Variants in MAP3K5 observed in about 807,000 individuals in gnomAD.
The protein encoded by MAP3K5 is ASK-1.
A neutral mutation model predicts 158.7 loss-of-function variants in MAP3K5; 56 were observed. That is an observed-to-expected ratio of 0.35 (90% CI 0.28 to 0.44). The LOEUF (loss-of-function observed/expected upper bound fraction) is 0.44. Among genes scored for constraint, MAP3K5 ranks in the 20% least tolerant of loss-of-function variants. MAP3K5 has a pLI of 1.00. For missense variants in MAP3K5, 1,294 were observed against 1,674.8 expected (o/e 0.77, Z 3.97); for synonymous variants, 579 against 601.7 (o/e 0.96, Z 0.55).
In MAP3K5 at chr6:136,609,337, A is replaced by G; in HGVS notation, c.2521+1945T>C. Among the ~76,000 whole-genome samples the G allele has an allele frequency of 6.6e-6, 1 of 152,194 alleles. No individual in the cohort carries two copies. The highest frequency in any genetic ancestry group is 1.9e-4 in the East Asian group (1 of 5,198). On this transcript the variant is annotated intron_variant, in intron 18 of 29. Transcript: ENST00000359015. The surrounding 1 kb of genome is among the most constrained non-coding windows in gnomAD (Gnocchi z 4.4). ...AATGTGTTTAATTCTGTACCCTAAA[A>G]TATCCATTGCCCTGAGGTGGGAGCT...
chr6:136,757,575 A>ATTTTTTTTTTTTT (rs1266911449), intron 1 of MAP3K5, among the ~76,000 whole-genome samples: 6 of 111,272 alleles, frequency 5.4e-5, no homozygotes, highest in African/African-American at 2.0e-4. Context: ...AGATTTATTT[A>ATTTTTTTTTTTTT]TTTATTTTTT....
chr6:136,738,699 T>C (rs1325820410), intron 1 of MAP3K5, among the ~76,000 whole-genome samples: 1 of 152,104 alleles, frequency 6.6e-6, no homozygotes, highest in Non-Finnish European at 1.5e-5. Context: ...ATATTAGCCA[T>C]CAGAAACAGA....
intron 11 of MAP3K5, chr6:136,647,688 T>C (rs553773792): frequency 1.7e-4 from 26 of 152,392 alleles, no homozygotes; most frequent in African/African-American, 6.3e-4. Flanking sequence ...GTCCCATGCT[T>C]GCTTTCACTT....
intron 14 of MAP3K5, among the ~76,000 whole-genome samples, chr6:136,628,834 G>A (rs1195822191): frequency 2.6e-5 from 4 of 151,914 alleles, no homozygotes; most frequent in Admixed American, 6.6e-5. Flanking sequence ...CTATTCTTAC[G>A]AGATAAAGAT....
intron 2 of MAP3K5, among the ~76,000 whole-genome samples, chr6:136,705,451 T>C (rs964191065): frequency 6.6e-6 from 1 of 152,140 alleles, no homozygotes; most frequent in Admixed American, 6.5e-5. Context: ...TACAGGTACA[T>C]GCCACCACAA....
At chr6:136,581,586 C>T (rs1387859607) in intron 24 of MAP3K5, among the ~76,000 whole-genome samples, 1 of 152,226 alleles carries the variant, frequency 6.6e-6, no homozygotes, top group Non-Finnish European at 1.5e-5. Flanking sequence ...GACCCAGCCA[C>T]AAACCCATGT....
chr6:136,581,687 A>G (rs1413773849), intron 24 of MAP3K5, among the ~76,000 whole-genome samples: 1 of 152,216 alleles, frequency 6.6e-6, no homozygotes, highest in Non-Finnish European at 1.5e-5. Flanking sequence ...TGAGGACTTC[A>G]TCGTACTAGT....
At chr6:136,694,036 C>T in intron 7 of MAP3K5, 104 bp downstream of exon 7, 1 of 844,820 alleles carries the variant, frequency 1.2e-6, no homozygotes, top group Non-Finnish European at 1.8e-6. Context: ...TCATAATACA[C>T]AATCTTATGG....
intron 1 of MAP3K5, among the ~76,000 whole-genome samples, chr6:136,722,807 C>T (rs1030323913): frequency 2.6e-5 from 4 of 151,870 alleles, no homozygotes; most frequent in Admixed American, 2.6e-4. Flanking sequence ...CAGCCTCAGC[C>T]TCCTGAGTAG....
At chr6:136,623,267 GTTTTTCA>G (rs1776889740) in intron 14 of MAP3K5, among the ~76,000 whole-genome samples, 1 of 152,188 alleles carries the variant, frequency 6.6e-6, no homozygotes, top group South Asian at 2.1e-4. Flanking sequence ...ACTCAGTCCT[GTTTTTCA>G]TTGATTCTGG....
chr6:136,766,399 C>T (rs192662476), intron 1 of MAP3K5, among the ~76,000 whole-genome samples: 4 of 152,344 alleles, frequency 2.6e-5, no homozygotes, highest in East Asian at 1.9e-4. Flanking sequence ...AAGGCTGTGG[C>T]CCCTGCCAGT....
chr6:136,773,814 A>AT (rs1200686407), intron 1 of MAP3K5, among the ~76,000 whole-genome samples: 1 of 151,852 alleles, frequency 6.6e-6, no homozygotes, highest in Non-Finnish European at 1.5e-5. Flanking sequence ...CACCCAGCTA[A>AT]TTTTTCTATT....
chr6:136,627,008 T>C (rs1777069645), intron 14 of MAP3K5, among the ~76,000 whole-genome samples: 1 of 152,236 alleles, frequency 6.6e-6, no homozygotes, highest in Non-Finnish European at 1.5e-5. Context: ...GGGTGATTAT[T>C]AGTTGTTTCC....
In MAP3K5 at chr6:136,697,275, C is replaced by T. The variant is rs368038602; in HGVS notation, c.919G>A (p.Glu307Lys). The T allele has an allele frequency of 1.1e-4, 183 of 1,613,672 alleles. No homozygotes were observed. The highest frequency in any genetic ancestry group is 1.5e-4 in the Non-Finnish European group (176 of 1,179,818). Residue 307 changes from glutamate (E) to lysine (K), a missense_variant, in exon 5 of 30, where the codon GAA (glutamate) becomes AAA (lysine). Around this residue, in one of 5 missense-constraint regions of MAP3K5, gnomAD observed 690 missense variants for 870.5 expected, o/e 0.79. Transcript: ENST00000359015. Reference sequence around the variant, plus strand: ...ATGACAATATCTGCTGTCAAGACTTCGATATTATCTACTCGCTGCCGAATT... The same window carrying T: ...ATGACAATATCTGCTGTCAAGACTTTGATATTATCTACTCGCTGCCGAATT... ...ARIRQRVDNIEVLTADIVINL... is the reference protein window; with the variant it reads ...ARIRQRVDNIKVLTADIVINL...
At chr6:136,709,026 C>T (rs1781195104) in intron 2 of MAP3K5, among the ~76,000 whole-genome samples, 1 of 152,144 alleles carries the variant, frequency 6.6e-6, no homozygotes, top group African/African-American at 2.4e-5. Context: ...GTGACACCCC[C>T]AACAGAAGTA....
At chr6:136,766,214 T>A (rs1296673406) in intron 1 of MAP3K5, among the ~76,000 whole-genome samples, 1 of 152,210 alleles carries the variant, frequency 6.6e-6, no homozygotes, top group Non-Finnish European at 1.5e-5. Context: ...AGCCTACAAA[T>A]CTGCACCAAC....
At chr6:136,595,043 G>C (rs1049415437) in intron 21 of MAP3K5, among the ~76,000 whole-genome samples, 9 of 152,264 alleles carry the variant, frequency 5.9e-5, no homozygotes, top group Admixed American at 3.3e-4. Flanking sequence ...TGTCACTATG[G>C]CTCGTTAAGG....
intron 21 of MAP3K5, among the ~76,000 whole-genome samples, chr6:136,599,332 G>C (rs1460586704): frequency 6.6e-6 from 1 of 152,008 alleles, no homozygotes; most frequent in Admixed American, 6.5e-5. Context: ...CCTTTTTCTA[G>C]GCCCAAGTCC....
intron 13 of MAP3K5, among the ~76,000 whole-genome samples, chr6:136,639,126 GT>G (rs1425831690): frequency 3.3e-5 from 5 of 152,014 alleles, no homozygotes; most frequent in African/African-American, 1.2e-4. Flanking sequence ...GGCCATGCAT[GT>G]TTTTTTAAAG....
Sources: allele counts gnomAD v4.1 joint callset (sites outside exome capture counted in the v4.1 genomes callset), GRCh38; gene constraint gnomAD v4.1.1; regional missense constraint gnomAD v4.1.1; non-coding constraint Gnocchi (gnomAD v3.1); transcripts MANE v1.5; gene names NCBI Gene and HGNC (gene_info 2026-07-23, HGNC 2026-07-21).